Variants in MRC1 observed in about 807,000 individuals in gnomAD.
The protein encoded by MRC1 is mannose receptor C-type 1, also known as macrophage mannose receptor 1.
In MRC1, 62 loss-of-function variants were observed where a neutral mutation model predicts 102.9. The ratio of observed to expected loss-of-function variants is 0.60; its 90% CI spans 0.49 to 0.74. The LOEUF is 0.74. Ranked by LOEUF, MRC1 falls within the 30% of genes least tolerant of loss-of-function variation. The pLI is 0.00. For synonymous variants in MRC1, 457 were observed against 298.4 expected (o/e 1.53, Z -5.48); for missense variants, 1,237 against 862.8 (o/e 1.43, Z -5.43).
Position 17,844,932 on chromosome 10 carries a change from T to A in MRC1, c.917-357T>A, listed in dbSNP as rs184494273. 9.7e-3 allele frequency among the ~76,000 whole-genome samples: 1,481 copies of A among 152,314 alleles called. 26 individuals carry two copies. The highest frequency in any genetic ancestry group is 0.034 in the African/African-American group (1,409 of 41,564). ...GATTTCATTTTTTTTTATGGCGGCA[T>A]AATCATGCATTCTTTTCATTAGGTA... On this transcript the variant is annotated intron_variant, in intron 5 of 29. Transcript: ENST00000569591.
chr10:17,872,131 G>A lies in MRC1; in HGVS notation c.2344+5G>A. The A allele has an allele frequency of 2.6e-6, 2 of 780,570 alleles. No individual in the cohort carries two copies. Among genetic ancestry groups the A allele is most frequent in the East Asian group, 2.4e-5 (1 of 41,230 alleles). 48.4% of individuals were successfully genotyped at this position (780,570 alleles called of 1,614,324 possible). A position where few individuals can be genotyped will look rare whatever the true frequency, so the allele number is the denominator to read the frequency against. ...GGATTTGCCAGATACAAAAAGGTAT[G>A]ATCACCTCTTCTCTCCTTTATCTCA... On this transcript the variant is annotated splice_donor_5th_base_variant and intron_variant, in intron 15 of 29. Coordinates refer to ENST00000569591, the MANE Select transcript of MRC1 (RefSeq NM_002438.4).
intron 8 of MRC1, among the ~76,000 whole-genome samples, chr10:17,854,032 A>C (rs911803444): frequency 6.6e-6 from 1 of 152,062 alleles, no homozygotes; most frequent in East Asian, 1.9e-4. Flanking sequence ...CAGTGGTGCA[A>C]TCTCAGCTCA....
intron 9 of MRC1, 139 bp from the exon 10 acceptor site, chr10:17,861,248 G>T (rs1833180169): frequency 5.7e-6 from 3 of 528,370 alleles, no homozygotes; most frequent in Admixed American, 6.2e-5. Context: ...GGCAGGCGGA[G>T]GTTGCAGTGA....
Position 17,871,965 on chromosome 10 carries a change from T to A in MRC1, c.2200-17T>A. On this transcript the variant is annotated splice_polypyrimidine_tract_variant and intron_variant, in intron 14 of 29. Transcript: ENST00000569591. ...ATACAAATGGTTAATGGTTGTAGTT[T>A]AATGTTTCTAATATAGGTTTCATAT... is the stretch of plus-strand genomic sequence containing the variant. The A allele has an allele frequency of 1.3e-6, 1 of 779,964 alleles. No homozygotes were observed. Among genetic ancestry groups the A allele is most frequent in the Non-Finnish European group, 2.4e-6 (1 of 417,532 alleles). The allele number at this position is 779,964 out of a possible 1,614,324, so 48.3% of individuals were successfully genotyped here.
At chr10:17,876,592 A>G (rs1199131636) in intron 17 of MRC1, among the ~76,000 whole-genome samples, 1 of 152,096 alleles carries the variant, frequency 6.6e-6, no homozygotes, top group Non-Finnish European at 1.5e-5. Context: ...TCAGTACTTG[A>G]TGGCTTTGAA....
rs373055028 is a variant in MRC1, at chr10:17,833,791, G to T, written c.754G>T (p.Ala252Ser). ...QARKSCQQQN[A>S]ELLSITEIHE... is the part of the protein sequence containing the mutation. ...GAGGAAAAGCTGCCAACAACAGAACGCTGAGCTCCTGAGCATCACAGAGAT... is the reference window on the plus strand; with the variant it reads ...GAGGAAAAGCTGCCAACAACAGAACTCTGAGCTCCTGAGCATCACAGAGAT... The change falls in exon 4 of 30, where the codon GCT (alanine) becomes TCT (serine). Residue 252 changes from alanine to serine, a missense_variant. Physicochemically the swap from Ala to Ser is moderately conservative, Grantham distance 99. Transcript: ENST00000569591. The T allele has an allele frequency of 2.0e-5, 16 of 781,058 alleles. No homozygotes were observed. Among genetic ancestry groups the T allele is most frequent in the Admixed American group, 2.0e-4 (12 of 59,030 alleles). 48.4% of individuals were successfully genotyped at this position (781,058 alleles called of 1,614,324 possible).
chr10:17,828,205 T>C lies in MRC1; in HGVS notation c.637+490T>C, dbSNP rs371243170. 1.2e-4 allele frequency among the ~76,000 whole-genome samples: 18 copies of C among 152,204 alleles called. No homozygotes were observed. In the East Asian group the frequency reaches 2.9e-3, roughly 24 times the overall value. Reference sequence around the variant, plus strand: ...CCTTCTCCTGCCTCAGCCTCCCGAGTAGCTGGGACTACAGGCGCCCGCCAC... The same window carrying C: ...CCTTCTCCTGCCTCAGCCTCCCGAGCAGCTGGGACTACAGGCGCCCGCCAC... On this transcript the variant is annotated intron_variant, in intron 3 of 29. Coordinates refer to ENST00000569591, the MANE Select transcript of MRC1 (RefSeq NM_002438.4).
At chr10:17,852,356 T>C (rs1189779050) in intron 7 of MRC1, among the ~76,000 whole-genome samples, 1 of 152,202 alleles carries the variant, frequency 6.6e-6, no homozygotes, top group East Asian at 1.9e-4. Context: ...GCATAATAGA[T>C]AGGTACCAAA....
intron 3 of MRC1, among the ~76,000 whole-genome samples, chr10:17,832,955 C>A (rs907492672): frequency 1.3e-5 from 2 of 152,102 alleles, no homozygotes; most frequent in Non-Finnish European, 2.9e-5. Context: ...TGCATCATGG[C>A]AAAGTCTGGG....
chr10:17,865,220 C>G (rs1163498051), intron 11 of MRC1, among the ~76,000 whole-genome samples: 1 of 152,166 alleles, frequency 6.6e-6, no homozygotes, highest in Non-Finnish European at 1.5e-5. Flanking sequence ...CTTCAGTGTT[C>G]TGTAATTTGC....
chr10:17,856,460 TCTG>T (rs1833094728), intron 9 of MRC1, 108 bp downstream of exon 9: 2 of 723,612 alleles, frequency 2.8e-6, no homozygotes. Context: ...GCCAAGGGTT[TCTG>T]CTGTCTCAGT....
intron 16 of MRC1, 22 bp from the exon 17 acceptor site, chr10:17,875,068 C>A (rs1474193051): frequency 3.8e-6 from 3 of 780,598 alleles, no homozygotes; most frequent in Non-Finnish European, 7.2e-6. Flanking sequence ...AAACTCATTG[C>A]CTTTTCTCAT....
chr10:17,872,918 TTCAAC>T (rs1833374858), intron 15 of MRC1, among the ~76,000 whole-genome samples: 2 of 152,212 alleles, frequency 1.3e-5, no homozygotes, highest in Non-Finnish European at 2.9e-5. Context: ...TGGCAACCAT[TTCAAC>T]TCTATGGCTG....
At chr10:17,836,686 A>C (rs1361215098) in intron 4 of MRC1, among the ~76,000 whole-genome samples, 1 of 152,124 alleles carries the variant, frequency 6.6e-6, no homozygotes, top group South Asian at 2.1e-4. Flanking sequence ...AATACAAAAA[A>C]TTAGCTGGGC....
chr10:17,862,266 A>C (rs1833195790), intron 10 of MRC1, among the ~76,000 whole-genome samples: 2 of 152,212 alleles, frequency 1.3e-5, no homozygotes, highest in South Asian at 4.1e-4. Context: ...AACATTTCAT[A>C]GTCTTTATAA....
chr10:17,897,696 T>A (rs1186964281), intron 23 of MRC1, among the ~76,000 whole-genome samples: 1 of 152,234 alleles, frequency 6.6e-6, no homozygotes, highest in Non-Finnish European at 1.5e-5. Flanking sequence ...TCATCTATGT[T>A]CTTTAATTTG....
At chr10:17,891,034 C>T in intron 22 of MRC1, among the ~76,000 whole-genome samples, 1 of 151,556 alleles carries the variant, frequency 6.6e-6, no homozygotes, top group Non-Finnish European at 1.5e-5. Flanking sequence ...GATGATCTGT[C>T]CCTGTCTCCC....
In MRC1 at chr10:17,872,133, T is replaced by C. The variant is rs1034322072; in HGVS notation, c.2344+7T>C. 10 of 780,472 alleles carry C rather than the reference T, an allele frequency of 1.3e-5. No individual in the cohort carries two copies. Among genetic ancestry groups the C allele is most frequent in the Non-Finnish European group, 2.4e-5 (10 of 417,748 alleles). The allele number at this position is 780,472 out of a possible 1,614,324, so 48.3% of individuals were successfully genotyped here. ...ATTTGCCAGATACAAAAAGGTATGA[T>C]CACCTCTTCTCTCCTTTATCTCAGC... On this transcript the variant is annotated splice_region_variant and intron_variant, in intron 15 of 29. Coordinates refer to ENST00000569591, the MANE Select transcript of MRC1 (RefSeq NM_002438.4).
intron 7 of MRC1, among the ~76,000 whole-genome samples, chr10:17,852,584 C>T (rs200708988): frequency 0.18 from 27,941 of 152,126 alleles, 2,861 homozygotes; most frequent in African/African-American, 0.27. Context: ...CCATCAATAA[C>T]ATGAGTGCAG....
Sources: gnomAD v4.1 joint callset for allele counts (sites outside exome capture counted in the v4.1 genomes callset) on GRCh38, gnomAD v4.1.1 for gene constraint, MANE v1.5 for transcripts, NCBI Gene and HGNC (gene_info 2026-07-23, HGNC 2026-07-21) for gene names.